Variants in CEP128 observed in about 807,000 individuals in gnomAD.
The protein encoded by CEP128 is centrosomal protein 128.
Under a neutral mutation model 156.7 loss-of-function variants are expected in CEP128, and 132 were observed. That is an observed-to-expected ratio of 0.84 (90% CI 0.73 to 0.97). The LOEUF (loss-of-function observed/expected upper bound fraction) is 0.97. Among genes scored for constraint, CEP128 ranks in the 50% least tolerant of loss-of-function variants. The pLI, the probability that CEP128 is intolerant of heterozygous loss-of-function variation, is 0.00. For missense variants in CEP128, 1,252 were observed against 1,281.9 expected (o/e 0.98, Z 0.36); for synonymous variants, 469 against 448.9 (o/e 1.04, Z -0.57).
intron 13 of CEP128, among the ~76,000 whole-genome samples, chr14:80,829,660 C>T (rs1038071272): frequency 4.6e-5 from 7 of 152,196 alleles, no homozygotes; most frequent in African/African-American, 1.7e-4. Context: ...AGAACAGTGT[C>T]TGGCATGTAA....
chr14:80,547,555 T>C (rs995309269), intron 21 of CEP128, among the ~76,000 whole-genome samples: 11 of 152,184 alleles, frequency 7.2e-5, no homozygotes, highest in African/African-American at 2.7e-4. Flanking sequence ...GACAAGGATT[T>C]CTAGCATCAA....
intron 18 of CEP128, among the ~76,000 whole-genome samples, chr14:80,754,894 C>T (rs1352349764): frequency 6.6e-6 from 1 of 152,192 alleles, no homozygotes; most frequent in Non-Finnish European, 1.5e-5. Flanking sequence ...AAACATACCC[C>T]TCATCTACGG....
In CEP128 at chr14:80,722,875, G is replaced by A. The variant is rs547655218; in HGVS notation, c.2806+20200C>T. 2.8e-3 allele frequency among the ~76,000 whole-genome samples: 396 copies of A among 142,074 alleles called. 1 individual carries two copies. The highest frequency in any genetic ancestry group is 4.2e-3 in the Admixed American group (54 of 13,010). 93.2% of individuals were successfully genotyped at this position (142,074 alleles called of 152,430 possible). On this transcript the variant is annotated intron_variant, in intron 19 of 24. Coordinates refer to ENST00000555265, the MANE Select transcript of CEP128 (RefSeq NM_152446.5). ...GGAGTCTTGCTCTGTCGCCCAGGCT[G>A]GAGTGCAATGGCGCGATCTCGGCTC... is the stretch of plus-strand genomic sequence containing the variant.
intron 19 of CEP128, among the ~76,000 whole-genome samples, chr14:80,597,963 A>AAAC (rs1251890333): frequency 4.0e-5 from 6 of 149,694 alleles, no homozygotes; most frequent in South Asian, 2.1e-4. Flanking sequence ...AAAAAAAAAA[A>AAAC]AAAAAAACAA....
At chr14:80,570,314 T>C (rs1891085237) in intron 20 of CEP128, among the ~76,000 whole-genome samples, 2 of 152,058 alleles carry the variant, frequency 1.3e-5, no homozygotes, top group South Asian at 2.1e-4. Context: ...GATGAGGTTT[T>C]ACCATGTTGG....
chr14:80,848,064 A>G (rs902420622), intron 9 of CEP128, among the ~76,000 whole-genome samples: 1 of 152,232 alleles, frequency 6.6e-6, no homozygotes, highest in African/African-American at 2.4e-5. Flanking sequence ...CCCTGCCTCC[A>G]TAAAGCCTGC....
chr14:80,826,959 C>T (rs1374317176), intron 13 of CEP128, among the ~76,000 whole-genome samples: 2 of 152,102 alleles, frequency 1.3e-5, no homozygotes, highest in Non-Finnish European at 2.9e-5. Flanking sequence ...GAAAAGTGTA[C>T]TTAGTATTTT....
intron 2 of CEP128, among the ~76,000 whole-genome samples, chr14:80,926,168 C>T (rs944005585): frequency 6.6e-6 from 1 of 152,094 alleles, no homozygotes; most frequent in Admixed American, 6.5e-5. Flanking sequence ...GTGCTATAGC[C>T]ACAGGCACAG....
chr14:80,879,403 C>T (rs1411950325), intron 8 of CEP128, among the ~76,000 whole-genome samples: 1 of 151,924 alleles, frequency 6.6e-6, no homozygotes, highest in Non-Finnish European at 1.5e-5. Flanking sequence ...ACTCTAAAAA[C>T]TCCAATGAGA....
intron 19 of CEP128, among the ~76,000 whole-genome samples, chr14:80,600,133 A>G (rs1488940002): frequency 6.6e-6 from 1 of 152,234 alleles, no homozygotes; most frequent in African/African-American, 2.4e-5. Flanking sequence ...ACCTTGAAGT[A>G]TACCAACATA....
chr14:80,589,881 T>C (rs996546811), intron 19 of CEP128, among the ~76,000 whole-genome samples: 1 of 152,138 alleles, frequency 6.6e-6, no homozygotes, highest in South Asian at 2.1e-4. Context: ...ACATGCAATA[T>C]GATGTCATTT....
chr14:80,640,281 A>G (rs1894353910), intron 19 of CEP128, among the ~76,000 whole-genome samples: 1 of 152,182 alleles, frequency 6.6e-6, no homozygotes, highest in Admixed American at 6.5e-5. Context: ...TTAATCCATC[A>G]TCATTATTGC....
intron 2 of CEP128, among the ~76,000 whole-genome samples, chr14:80,954,000 T>C (rs1594881931): frequency 6.6e-6 from 1 of 152,164 alleles, no homozygotes; most frequent in African/African-American, 2.4e-5. Context: ...CCGGGTGCGG[T>C]GGCTCAAGCC....
At chr14:80,644,238 G>C (rs1894543973) in intron 19 of CEP128, among the ~76,000 whole-genome samples, 1 of 152,182 alleles carries the variant, frequency 6.6e-6, no homozygotes, top group South Asian at 2.1e-4. Flanking sequence ...ATAAATTTCT[G>C]TTGTTCTAAA....
At position 80,657,268 on chromosome 14, in the gene CEP128, T is replaced by A. The variant is rs1456294456; in HGVS notation, c.2807-76845A>T. Among the ~76,000 whole-genome samples the A allele has an allele frequency of 9.6e-5, 14 of 145,466 alleles. 2 individuals carry two copies. Among genetic ancestry groups the A allele is most frequent in the Admixed American group, 6.8e-4 (10 of 14,624 alleles). On this transcript the variant is annotated intron_variant, in intron 19 of 24. Transcript: ENST00000555265. ...CCAGACTCTATCTCAAAAAAAAAAA[T>A]TTAAAAAAAATGGTGGCTTGTCATT...
chr14:80,955,615 C>T (rs1041823836), intron 2 of CEP128: 62 of 1,599,594 alleles, frequency 3.9e-5, no homozygotes, highest in Non-Finnish European at 4.6e-5. Context: ...TGGGGTAACC[C>T]GAGGTGCAGA....
At chr14:80,530,598 A>C (rs927495343) in intron 22 of CEP128, among the ~76,000 whole-genome samples, 1 of 152,134 alleles carries the variant, frequency 6.6e-6, no homozygotes, top group Non-Finnish European at 1.5e-5. Context: ...GTGAAAGTCT[A>C]TATCTTCCTA....
At chr14:80,728,655 C>T (rs1468501863) in intron 19 of CEP128, among the ~76,000 whole-genome samples, 1 of 152,094 alleles carries the variant, frequency 6.6e-6, no homozygotes, top group African/African-American at 2.4e-5. Flanking sequence ...GAAGATATTC[C>T]AAATTCTTAT....
chr14:80,564,685 A>T (rs7154706), intron 20 of CEP128, among the ~76,000 whole-genome samples: 24,704 of 152,176 alleles, frequency 0.16, 2,261 homozygotes, highest in East Asian at 0.19. Flanking sequence ...AACAAAATTG[A>T]TAACCGCCCT....
Sources: gnomAD v4.1 joint callset for allele counts (sites outside exome capture counted in the v4.1 genomes callset) on GRCh38, gnomAD v4.1.1 for gene constraint, MANE v1.5 for transcripts, NCBI Gene and HGNC (gene_info 2026-07-23, HGNC 2026-07-21) for gene names.